KLF12: variants seen among roughly 807,000 people sequenced by gnomAD.
KLF12 encodes KLF transcription factor 12.
Under a neutral mutation model 37.8 loss-of-function variants are expected in KLF12, and 9 were observed. That is an observed-to-expected ratio of 0.24 (90% CI 0.14 to 0.42). The LOEUF (loss-of-function observed/expected upper bound fraction) is 0.42, where lower values mean the gene tolerates loss of function less well. KLF12 is among the 10% of genes least tolerant of loss of function. The pLI, the probability that KLF12 is intolerant of heterozygous loss-of-function variation, is 1.00. For synonymous variants in KLF12, 208 were observed against 202.1 expected (o/e 1.03, Z -0.25); for missense variants, 411 against 516.0 (o/e 0.80, Z 1.97).
chr13:73,878,606 T>C (rs1383424022), intron 3 of KLF12, among the ~76,000 whole-genome samples: 1 of 152,206 alleles, frequency 6.6e-6, no homozygotes, highest in Non-Finnish European at 1.5e-5. Context: ...CTAACTTCTC[T>C]AGTGACATAA....
intron 3 of KLF12, among the ~76,000 whole-genome samples, chr13:73,932,963 A>C (rs1007968269): frequency 2.0e-5 from 3 of 152,224 alleles, no homozygotes; most frequent in Non-Finnish European, 4.4e-5. Context: ...ATCAAAACCA[A>C]GTTACAAAGA....
chr13:74,057,631 AG>A (rs1873323182), intron 1 of KLF12, among the ~76,000 whole-genome samples: 1 of 152,232 alleles, frequency 6.6e-6, no homozygotes, highest in Non-Finnish European at 1.5e-5. Flanking sequence ...GATATACAGA[AG>A]AGACAAGTCA....
intron 1 of KLF12, among the ~76,000 whole-genome samples, chr13:74,091,398 C>G (rs1254006591): frequency 6.6e-6 from 1 of 152,186 alleles, no homozygotes; most frequent in South Asian, 2.1e-4. Context: ...TTTTGACTCT[C>G]CTAGAATGTT....
the KLF12 span, among the ~76,000 whole-genome samples, chr13:74,301,981 G>A: frequency 2.6e-5 from 4 of 152,202 alleles, no homozygotes; most frequent in Non-Finnish European, 1.5e-5. Context: ...ACTTACTTCT[G>A]ATCACCCAGG....
intron 1 of KLF12, among the ~76,000 whole-genome samples, chr13:74,073,768 C>T (rs1285368866): frequency 6.6e-6 from 1 of 152,114 alleles, no homozygotes; most frequent in Admixed American, 6.5e-5. Flanking sequence ...AGACTAAACT[C>T]CAATCACTTC....
intron 6 of KLF12, among the ~76,000 whole-genome samples, chr13:73,726,194 T>C (rs932475606): frequency 3.3e-5 from 5 of 152,164 alleles, no homozygotes; most frequent in Non-Finnish European, 7.3e-5. Flanking sequence ...GGAGTTTTCA[T>C]GAAAATTAGT....
chr13:73,897,448 C>T (rs1202943534), intron 3 of KLF12, among the ~76,000 whole-genome samples: 1 of 152,170 alleles, frequency 6.6e-6, no homozygotes, highest in Non-Finnish European at 1.5e-5. Context: ...CTAAATCCAT[C>T]AGCTCCCCCA....
the KLF12 span, among the ~76,000 whole-genome samples, chr13:74,216,976 C>T: frequency 6.6e-6 from 1 of 152,278 alleles, no homozygotes; most frequent in South Asian, 2.1e-4. Flanking sequence ...TTATTTAACA[C>T]ATATTTCTTC....
chr13:73,695,441 T>A lies in KLF12; in HGVS notation c.*49A>T. 6.3e-7 allele frequency: 1 copy of A among 1,579,874 alleles called. No homozygotes were observed. ...GGGGATTCAGCCCTGCTGAATTGGG[T>A]GCCGCTAAGAGATCCAGCTCTTACG... On this transcript the variant is annotated 3_prime_UTR_variant, in exon 8 of 8. Coordinates refer to ENST00000377669, the MANE Select transcript of KLF12 (RefSeq NM_007249.5).
chr13:74,148,879 A>ACCTCGGCTCACTGCAGC, the KLF12 span, among the ~76,000 whole-genome samples: 1,832 of 152,102 alleles, frequency 0.012, 45 homozygotes, highest in African/African-American at 0.042. Context: ...CAGGGGCATG[A>ACCTCGGCTCACTGCAGC]CCTCGGCTCA....
At position 73,918,041 on chromosome 13, in the gene KLF12, C is replaced by T. The variant is rs150946274; in HGVS notation, c.123+25940G>A. Among the ~76,000 whole-genome samples, 595 of 151,996 alleles carry T rather than the reference C, an allele frequency of 3.9e-3. 2 individuals carry two copies. Among genetic ancestry groups the T allele is most frequent in the Non-Finnish European group, 6.8e-3 (461 of 67,924 alleles). On this transcript the variant is annotated intron_variant, in intron 3 of 7. Coordinates refer to ENST00000377669, the MANE Select transcript of KLF12 (RefSeq NM_007249.5). ...AATGCTTAGTCTGGTTATATACACA[C>T]GTACACATATATACAAACAAATATA...
intron 2 of KLF12, among the ~76,000 whole-genome samples, chr13:73,945,135 C>A (rs747926135): frequency 6.6e-6 from 1 of 152,136 alleles, no homozygotes; most frequent in Non-Finnish European, 1.5e-5. Flanking sequence ...CAGGTGTTCA[C>A]CTTTAATATG....
At chr13:74,052,006 A>G (rs1046518676) in intron 1 of KLF12, among the ~76,000 whole-genome samples, 1 of 152,198 alleles carries the variant, frequency 6.6e-6, no homozygotes, top group Non-Finnish European at 1.5e-5. Context: ...ACAAATATGT[A>G]CAATTATTAT....
intron 4 of KLF12, among the ~76,000 whole-genome samples, chr13:73,831,787 A>C (rs1884176087): frequency 6.6e-6 from 1 of 152,204 alleles, no homozygotes; most frequent in Non-Finnish European, 1.5e-5. Flanking sequence ...GCATCTATAA[A>C]CTGGTAAAGC....
intron 1 of KLF12, among the ~76,000 whole-genome samples, chr13:74,016,952 A>T (rs1346770220): frequency 6.6e-6 from 1 of 152,168 alleles, no homozygotes; most frequent in Non-Finnish European, 1.5e-5. Flanking sequence ...ATTATACATC[A>T]ATTTTAAAAT....
rs1216678079 is a variant in KLF12 at position 73,733,076 on chromosome 13, G to C, written c.870-17551C>G. Among the ~76,000 whole-genome samples, 7 of 152,030 alleles carry C rather than the reference G, an allele frequency of 4.6e-5. 1 individual carries two copies. The highest frequency in any genetic ancestry group is 1.2e-4 in the African/African-American group (5 of 41,388). ...TCTCTTATCTGGCTACCTGCTATAG[G>C]ATCTAACTGGAATCCCTGCTCCCAC... is the stretch of plus-strand genomic sequence containing the variant. On this transcript the variant is annotated intron_variant, in intron 6 of 7. Transcript: ENST00000377669.
chr13:73,814,836 C>A (rs2138449042), intron 4 of KLF12, among the ~76,000 whole-genome samples: 1 of 152,118 alleles, frequency 6.6e-6, no homozygotes, highest in African/African-American at 2.4e-5. Context: ...ATGCACAGGA[C>A]AGTCAGCCTC....
chr13:73,716,705 T>A (rs1875837717), intron 6 of KLF12, among the ~76,000 whole-genome samples: 1 of 152,236 alleles, frequency 6.6e-6, no homozygotes, highest in Non-Finnish European at 1.5e-5. Flanking sequence ...GTCATATGAA[T>A]AATATCATGC....
intron 2 of KLF12, among the ~76,000 whole-genome samples, chr13:73,994,478 CCA>C (rs1321394174): frequency 2.0e-5 from 3 of 151,572 alleles, no homozygotes; most frequent in Non-Finnish European, 2.9e-5. Flanking sequence ...CCCCCCACCA[CCA>C]CACTTTCATT....
Sources: allele counts gnomAD v4.1 joint callset (sites outside exome capture counted in the v4.1 genomes callset), GRCh38; gene constraint gnomAD v4.1.1; transcripts MANE v1.5; gene names NCBI Gene and HGNC (gene_info 2026-07-23, HGNC 2026-07-21).